LRMDA: variants seen among roughly 807,000 people sequenced by gnomAD.
LRMDA encodes leucine rich melanocyte differentiation associated.
In LRMDA, 18 loss-of-function variants were observed where a neutral mutation model predicts 29.8. The observed-to-expected ratio is 0.60, with a 90% confidence interval of 0.42 to 0.90. The LOEUF (loss-of-function observed/expected upper bound fraction) is 0.90, where lower values mean the gene tolerates loss of function less well. Among genes scored for constraint, LRMDA ranks in the 40% least tolerant of loss-of-function variants. LRMDA has a pLI of 0.00. For missense variants in LRMDA, 273 were observed against 273.9 expected, an observed-to-expected ratio of 1.00 and a Z score of 0.02; for synonymous variants, 125 against 109.4, an observed-to-expected ratio of 1.14 and a Z score of -0.89.
At chr10:75,680,517 C>T (rs925618319) in intron 2 of LRMDA, among the ~76,000 whole-genome samples, 2 of 151,950 alleles carry the variant, frequency 1.3e-5, no homozygotes, top group Non-Finnish European at 2.9e-5. Flanking sequence ...ATTTCTCTTC[C>T]TATCTACTCC....
At chr10:75,751,143 G>A (rs1013076180) in intron 2 of LRMDA, among the ~76,000 whole-genome samples, 16 of 152,204 alleles carry the variant, frequency 1.1e-4, no homozygotes, top group African/African-American at 3.9e-4. Context: ...GTGAAACCCC[G>A]TCTCCACCAA....
chr10:76,223,010 G>A (rs1164351571), intron 5 of LRMDA, among the ~76,000 whole-genome samples: 1 of 151,668 alleles, frequency 6.6e-6, no homozygotes, highest in African/African-American at 2.4e-5. Flanking sequence ...GTAAACTATT[G>A]CAAGAACAAA....
chr10:76,495,838 G>T, intron 6 of LRMDA, among the ~76,000 whole-genome samples: 2 of 21,128 alleles, frequency 9.5e-5, no homozygotes, highest in Non-Finnish European at 3.9e-4. Context: ...AAATGCAATT[G>T]ATTTGTTTGT....
chr10:75,832,513 G>C (rs1844363057), intron 2 of LRMDA, among the ~76,000 whole-genome samples: 1 of 152,114 alleles, frequency 6.6e-6, no homozygotes, highest in East Asian at 1.9e-4. Flanking sequence ...GTCTTCTTCT[G>C]AGCCCTCCAG....
chr10:75,788,596 G>C (rs1158007347), intron 2 of LRMDA, among the ~76,000 whole-genome samples: 1 of 152,214 alleles, frequency 6.6e-6, no homozygotes, highest in Non-Finnish European at 1.5e-5. Context: ...TTTGCAAGCC[G>C]ATTGTCTTGA....
At position 76,356,453 on chromosome 10, in the gene LRMDA, G is replaced by T. The variant is rs188064987; in HGVS notation, c.601+31968G>T. Reference sequence around the variant, plus strand: ...CTGTGTTTCTGCCACCCATGTGACTGCTTTCTGAAGCTAATTTAGTTATCA... The same window carrying T: ...CTGTGTTTCTGCCACCCATGTGACTTCTTTCTGAAGCTAATTTAGTTATCA... On this transcript the variant is annotated intron_variant, in intron 6 of 6. Transcript: ENST00000611255. Among the ~76,000 whole-genome samples, 74 of 152,248 alleles carry T rather than the reference G, an allele frequency of 4.9e-4. No homozygotes were observed. In the East Asian group the frequency reaches 0.011, roughly 23 times the overall value.
intron 2 of LRMDA, among the ~76,000 whole-genome samples, chr10:75,966,267 C>G (rs1481302981): frequency 6.6e-6 from 1 of 152,238 alleles, no homozygotes; most frequent in Non-Finnish European, 1.5e-5. Flanking sequence ...CATTTCTGCT[C>G]TCTCCCGCTC....
At chr10:76,087,523 G>A (rs550694341) in intron 5 of LRMDA, among the ~76,000 whole-genome samples, 1 of 152,274 alleles carries the variant, frequency 6.6e-6, no homozygotes, top group South Asian at 2.1e-4. Flanking sequence ...AGTCATACAG[G>A]ATCATCTTGG....
At chr10:75,955,524 A>AT (rs1473209980) in intron 2 of LRMDA, among the ~76,000 whole-genome samples, 21 of 152,204 alleles carry the variant, frequency 1.4e-4, no homozygotes, top group African/African-American at 5.1e-4. Flanking sequence ...CTGTCACAGA[A>AT]AGAACACACC....
At chr10:76,468,336 C>T (rs539535994) in intron 6 of LRMDA, among the ~76,000 whole-genome samples, 6 of 152,192 alleles carry the variant, frequency 3.9e-5, no homozygotes, top group African/African-American at 9.7e-5. Context: ...CTCTTTTATT[C>T]GAGAGAGCAA....
intron 2 of LRMDA, among the ~76,000 whole-genome samples, chr10:75,568,765 A>G (rs965583776): frequency 1.3e-5 from 2 of 152,222 alleles, no homozygotes; most frequent in Admixed American, 6.5e-5. Flanking sequence ...CACAATTAAG[A>G]CACTTAATCA....
chr10:75,632,878 T>C (rs1203093488), intron 2 of LRMDA, among the ~76,000 whole-genome samples: 1 of 140,868 alleles, frequency 7.1e-6, no homozygotes, highest in Non-Finnish European at 1.5e-5. Context: ...TGGTCTGGGC[T>C]TTTGCCTTGT....
At chr10:75,577,877 C>A in intron 2 of LRMDA, among the ~76,000 whole-genome samples, 1 of 151,980 alleles carries the variant, frequency 6.6e-6, no homozygotes, top group Non-Finnish European at 1.5e-5. Flanking sequence ...TTACAAGACT[C>A]CCTGAAGGAA....
At chr10:75,684,775 T>C (rs1261551693) in intron 2 of LRMDA, among the ~76,000 whole-genome samples, 1 of 152,200 alleles carries the variant, frequency 6.6e-6, no homozygotes, top group East Asian at 1.9e-4. Context: ...TGTTTGGGGC[T>C]TAATGGACCA....
intron 2 of LRMDA, among the ~76,000 whole-genome samples, chr10:76,021,650 T>A (rs532753795): frequency 6.6e-6 from 1 of 152,206 alleles, no homozygotes; most frequent in African/African-American, 2.4e-5. Flanking sequence ...CCTCCTACCA[T>A]GAAGAGCTGT....
intron 2 of LRMDA, among the ~76,000 whole-genome samples, chr10:75,975,654 G>A (rs867410401): frequency 1.3e-5 from 2 of 152,128 alleles, no homozygotes; most frequent in East Asian, 1.9e-4. Context: ...ATGCACAGAG[G>A]CACTTCTGTC....
At chr10:76,287,400 T>C (rs1005140590) in intron 5 of LRMDA, among the ~76,000 whole-genome samples, 2 of 152,106 alleles carry the variant, frequency 1.3e-5, no homozygotes, top group Non-Finnish European at 1.5e-5. Flanking sequence ...CAGAACCTAA[T>C]TGGGACCAAA....
chr10:75,590,726 C>CTTTTTTTTTTTTTTTT (rs67966004), intron 2 of LRMDA, among the ~76,000 whole-genome samples: 9 of 71,384 alleles, frequency 1.3e-4, no homozygotes, highest in Non-Finnish European at 2.3e-4. Flanking sequence ...ATAAAATAGT[C>CTTTTTTTTTTTTTTTT]TTTTTTTTTT....
At chr10:75,792,685 T>C (rs765562102) in intron 2 of LRMDA, among the ~76,000 whole-genome samples, 2 of 152,058 alleles carry the variant, frequency 1.3e-5, no homozygotes, top group Non-Finnish European at 2.9e-5. Flanking sequence ...CAGCCTGGGG[T>C]CATAGCCCTG....
Sources: gnomAD v4.1 joint callset for allele counts (sites outside exome capture counted in the v4.1 genomes callset) on GRCh38, gnomAD v4.1.1 for gene constraint, MANE v1.5 for transcripts, NCBI Gene and HGNC (gene_info 2026-07-23, HGNC 2026-07-21) for gene names.